Variants in NFAT5 observed in about 807,000 individuals in gnomAD.
NFAT5 encodes the protein nuclear factor of activated T cells 5, also known as nuclear factor of activated T-cells 5.
In NFAT5, 31 loss-of-function variants were observed where a neutral mutation model predicts 166.5. The ratio of observed to expected loss-of-function variants is 0.19; its 90% CI spans 0.14 to 0.25. The LOEUF is 0.25. NFAT5 is among the 10% of genes least tolerant of loss of function. The probability of loss-of-function intolerance (pLI) is 1.00; values close to 1 mark genes in which losing one functional copy is unlikely to be tolerated. For missense variants in NFAT5, 1,449 were observed against 1,821.8 expected (o/e 0.80, Z 3.72); for synonymous variants, 612 against 639.7 (o/e 0.96, Z 0.65).
intron 4 of NFAT5, chr16:69,648,849 AT>A: frequency 2.2e-6 from 2 of 927,416 alleles, no homozygotes; most frequent in Non-Finnish European, 1.3e-6. Context: ...TCAGTTGAAT[AT>A]TATAGAGAAT....
intron 3 of NFAT5, among the ~76,000 whole-genome samples, chr16:69,637,262 CA>C (rs1481249348): frequency 6.6e-6 from 1 of 152,234 alleles, no homozygotes; most frequent in East Asian, 1.9e-4. Context: ...AGCCACTCAA[CA>C]AGTCTCTAGG....
intron 3 of NFAT5, chr16:69,632,508 A>T (rs865830609): frequency 6.6e-6 from 1 of 152,310 alleles, no homozygotes; most frequent in Middle Eastern, 3.4e-3. Flanking sequence ...AAGTGTCAGG[A>T]TCTTCGAATG....
Position 69,566,307 on chromosome 16 carries a change from C to G in NFAT5, c.6C>G (p.Pro2=). M[P]SDFISLLSAD... ...CCGGGCTGGGTCGAGCTGCGATGCC[C>G]TCGGACTTCATCTCATTGCTCAGCG... The change falls in exon 1 of 15, where the codon CCC becomes CCG. Residue 2 remains proline (P), a synonymous_variant. Coordinates refer to ENST00000349945, the MANE Select transcript of NFAT5 (RefSeq NM_138713.4). This position sits in a 1 kb window ranked among gnomAD's most constrained non-coding sequence, Gnocchi z 5.7. The G allele has an allele frequency of 6.2e-7, 1 of 1,605,858 alleles. No homozygotes were observed. Among genetic ancestry groups the G allele is most frequent in the Non-Finnish European group, 8.5e-7 (1 of 1,177,410 alleles).
intron 2 of NFAT5, among the ~76,000 whole-genome samples, chr16:69,607,285 A>T (rs1237248474): frequency 1.3e-5 from 2 of 152,192 alleles, no homozygotes; most frequent in Admixed American, 1.3e-4. Flanking sequence ...TTTATTATAA[A>T]CAATATTGGT....
chr16:69,566,263 C>T lies in NFAT5; in HGVS notation c.-39C>T, dbSNP rs749037583. 5.1e-6 allele frequency: 8 copies of T among 1,577,674 alleles called. No homozygotes were observed. Among genetic ancestry groups the T allele is most frequent in the South Asian group, 1.2e-5 (1 of 86,316 alleles). Reference sequence around the variant, plus strand: ...GGTGCCGCCGCCACCGCCGCTCCCCCCCTCCCGCTGCCCTCGGGCCGGGCT... The same window carrying T: ...GGTGCCGCCGCCACCGCCGCTCCCCTCCTCCCGCTGCCCTCGGGCCGGGCT... On this transcript the variant is annotated 5_prime_UTR_variant, in exon 1 of 15. Transcript: ENST00000349945. This position sits in a 1 kb window ranked among gnomAD's most constrained non-coding sequence, Gnocchi z 5.7.
At chr16:69,626,001 G>T (rs1298472846) in intron 2 of NFAT5, among the ~76,000 whole-genome samples, 2 of 149,658 alleles carry the variant, frequency 1.3e-5, no homozygotes, top group African/African-American at 2.5e-5. Flanking sequence ...ACCCAGGCTG[G>T]AGTGCAGTGG....
intron 2 of NFAT5, among the ~76,000 whole-genome samples, chr16:69,577,661 C>T (rs1019380064): frequency 1.3e-5 from 2 of 151,992 alleles, no homozygotes; most frequent in Non-Finnish European, 2.9e-5. Context: ...CTACAAAGGA[C>T]CAAAAGTAGC....
At chr16:69,686,630 G>C (rs145215842) in intron 11 of NFAT5, among the ~76,000 whole-genome samples, 3 of 152,144 alleles carry the variant, frequency 2.0e-5, no homozygotes, top group Non-Finnish European at 4.4e-5. Flanking sequence ...TTGTGGGGCT[G>C]AGGTGATTGG....
intron 3 of NFAT5, among the ~76,000 whole-genome samples, chr16:69,638,859 G>A (rs2035084401): frequency 6.6e-6 from 1 of 151,466 alleles, no homozygotes; most frequent in Non-Finnish European, 1.5e-5. Flanking sequence ...AATATCCCTT[G>A]GAACTTTTTT....
chr16:69,569,573 C>T (rs942572028), intron 2 of NFAT5, among the ~76,000 whole-genome samples: 10 of 152,130 alleles, frequency 6.6e-5, no homozygotes, highest in South Asian at 2.1e-4. Flanking sequence ...CAACTTAGCT[C>T]CTTATTAGTT....
At chr16:69,592,211 C>T (rs1018283352) in intron 2 of NFAT5, among the ~76,000 whole-genome samples, 9 of 147,550 alleles carry the variant, frequency 6.1e-5, no homozygotes, top group Non-Finnish European at 1.3e-4. Flanking sequence ...TCCCAAGTAG[C>T]TGAGATTACG....
At chr16:69,575,119 G>C (rs752916293) in intron 2 of NFAT5, among the ~76,000 whole-genome samples, 5 of 152,176 alleles carry the variant, frequency 3.3e-5, no homozygotes, top group Admixed American at 2.0e-4. Context: ...GAAGATGAGA[G>C]AAGAACAGAA....
chr16:69,609,805 A>G (rs2033612870), intron 2 of NFAT5, among the ~76,000 whole-genome samples: 1 of 141,264 alleles, frequency 7.1e-6, no homozygotes, highest in African/African-American at 2.7e-5. Context: ...ACATGGTGAG[A>G]CCCTGTCTCT....
intron 3 of NFAT5, chr16:69,632,499 A>G (rs2034765408): frequency 6.6e-6 from 1 of 152,172 alleles, no homozygotes; most frequent in African/African-American, 2.4e-5. Context: ...CTTCTCTACA[A>G]GTGTCAGGAT....
At chr16:69,648,033 G>A (rs2035515099) in intron 4 of NFAT5, among the ~76,000 whole-genome samples, 1 of 151,878 alleles carries the variant, frequency 6.6e-6, no homozygotes, top group Non-Finnish European at 1.5e-5. Flanking sequence ...AAATTAGCCG[G>A]GCATTGTGGC....
chr16:69,680,175 C>A (rs988440618), intron 10 of NFAT5, among the ~76,000 whole-genome samples: 2 of 152,026 alleles, frequency 1.3e-5, no homozygotes, highest in Admixed American at 1.3e-4. Flanking sequence ...CTGATAGTTA[C>A]TAAATATTGA....
chr16:69,619,343 A>G (rs1474807783), intron 2 of NFAT5, among the ~76,000 whole-genome samples: 3 of 152,206 alleles, frequency 2.0e-5, no homozygotes, highest in Non-Finnish European at 4.4e-5. Flanking sequence ...TTTGTTGTAT[A>G]TATTTTATTT....
Position 69,692,707 on chromosome 16 carries a change from C to G in NFAT5, c.2882C>G (p.Ser961Cys). The G allele has an allele frequency of 6.2e-7, 1 of 1,614,228 alleles. No homozygotes were observed. Among genetic ancestry groups the G allele is most frequent in the Non-Finnish European group, 8.5e-7 (1 of 1,180,042 alleles). ...QQTSHMMSALSTNEDMQMQCE... is the reference protein window; with the variant it reads ...QQTSHMMSALCTNEDMQMQCE... ...ACTTCTCACATGATGAGTGCATTGT[C>G]TACCAATGAGGATATGCAAATGCAG... Residue 961 changes from serine (S) to cysteine (C), a missense_variant, in exon 13 of 15, where the codon TCT becomes TGT. By Grantham distance (112) the Ser-to-Cys change is moderately radical (BLOSUM62 -1). Transcript: ENST00000349945.
chr16:69,671,431 C>T (rs2036616562), intron 9 of NFAT5, among the ~76,000 whole-genome samples: 4 of 152,204 alleles, frequency 2.6e-5, no homozygotes, highest in South Asian at 4.1e-4. Flanking sequence ...CATACAGTGG[C>T]GCGATTTCAG....
Sources: gnomAD v4.1 joint callset for allele counts (sites outside exome capture counted in the v4.1 genomes callset) on GRCh38, gnomAD v4.1.1 for gene constraint, Gnocchi (gnomAD v3.1) non-coding constraint, MANE v1.5 for transcripts, NCBI Gene and HGNC (gene_info 2026-07-23, HGNC 2026-07-21) for gene names.